The following ABI2 variants were observed in gnomAD, a reference collection of about 807,000 sequenced individuals.
ABI2 encodes the protein abl interactor 2, also known as abelson interactor 2.
A neutral mutation model predicts 59.2 loss-of-function variants in ABI2; 25 were observed. The ratio of observed to expected loss-of-function variants is 0.42; its 90% CI spans 0.31 to 0.59. The LOEUF (loss-of-function observed/expected upper bound fraction) is 0.59, where lower values mean the gene tolerates loss of function less well. Ranked by LOEUF, ABI2 falls within the 20% of genes least tolerant of loss-of-function variation. The probability of loss-of-function intolerance (pLI) is 0.14; values close to 1 mark genes in which losing one functional copy is unlikely to be tolerated. For missense variants in ABI2, 545 were observed against 681.8 expected (o/e 0.80, Z 2.23); for synonymous variants, 213 against 235.5 (o/e 0.90, Z 0.87).
At chr2:203,358,103 GTGTGTGTGTGTT>G (rs1373006348) in intron 1 of ABI2, among the ~76,000 whole-genome samples, 62 of 146,642 alleles carry the variant, frequency 4.2e-4, no homozygotes, top group African/African-American at 8.9e-4. Flanking sequence ...GTGTGTGTGT[GTGTGTGTGTGTT>G]TGTTTGTTTG....
intron 1 of ABI2, among the ~76,000 whole-genome samples, chr2:203,352,330 T>C (rs1489125641): frequency 6.6e-6 from 1 of 152,110 alleles, no homozygotes; most frequent in Non-Finnish European, 1.5e-5. Context: ...TATTTTAGAG[T>C]TTACTCCTAC....
chr2:203,397,566 G>T (rs546996130), intron 8 of ABI2, among the ~76,000 whole-genome samples: 183 of 152,314 alleles, frequency 1.2e-3, no homozygotes, highest in Non-Finnish European at 2.3e-3. Flanking sequence ...AGTTAATGAT[G>T]CTGGCTAGTA....
At chr2:203,331,348 C>CTTTTTT (rs201209202) in intron 1 of ABI2, among the ~76,000 whole-genome samples, 21,315 of 85,226 alleles carry the variant, frequency 0.25, 5,166 homozygotes, top group African/African-American at 0.36. Flanking sequence ...TCAATTTAGC[C>CTTTTTT]TTTTTTTTTT....
rs186166759 is a variant in ABI2 at position 203,347,235 on chromosome 2, T to G, written c.117+18604T>G. On this transcript the variant is annotated intron_variant, in intron 1 of 11. Coordinates refer to ENST00000261018, the MANE Select transcript of ABI2 (RefSeq NM_001375670.1). Reference sequence around the variant, plus strand: ...CAAACCATAGAAGTGAGTTGAGTAATTCATTTTTGCTCTATTTTTCCATCT... The same window carrying G: ...CAAACCATAGAAGTGAGTTGAGTAAGTCATTTTTGCTCTATTTTTCCATCT... 5.0e-3 allele frequency among the ~76,000 whole-genome samples: 766 copies of G among 152,290 alleles called. 10 individuals carry two copies. Among genetic ancestry groups the G allele is most frequent in the African/African-American group, 0.017 (727 of 41,558 alleles).
chr2:203,354,303 CA>C (rs1327912184), intron 1 of ABI2, among the ~76,000 whole-genome samples: 1 of 152,176 alleles, frequency 6.6e-6, no homozygotes. Context: ...CTCAGCCTCC[CA>C]AAGTGCTGGG....
chr2:203,399,531 G>A (rs968138093), intron 8 of ABI2, among the ~76,000 whole-genome samples: 12 of 151,812 alleles, frequency 7.9e-5, no homozygotes, highest in Non-Finnish European at 1.3e-4. Context: ...AGGAGGGGCG[G>A]GCGGACAGAG....
chr2:203,342,425 G>A (rs1208225309), intron 1 of ABI2, among the ~76,000 whole-genome samples: 1 of 152,050 alleles, frequency 6.6e-6, no homozygotes, highest in African/African-American at 2.4e-5. Context: ...AGGTTGTTAG[G>A]AACCTACGAA....
At position 203,328,511 on chromosome 2, in the gene ABI2, G is replaced by GA; in HGVS notation, c.-2dup. On this transcript the variant is annotated 5_prime_UTR_variant, in exon 1 of 12. Coordinates refer to ENST00000261018, the MANE Select transcript of ABI2 (RefSeq NM_001375670.1). ...ATGAGGAGGAGGAGGAGGAGGATGTGAAGATGGCGGAGCTGCAGATGCTGC... is the reference window on the plus strand; with the variant it reads ...ATGAGGAGGAGGAGGAGGAGGATGTGAAAGATGGCGGAGCTGCAGATGCTGC... 1 of 1,602,276 alleles carries GA rather than the reference G, an allele frequency of 6.2e-7. No homozygotes were observed. Among genetic ancestry groups the GA allele is most frequent in the East Asian group, 2.3e-5 (1 of 43,736 alleles).
At chr2:203,407,683 A>C (rs992357472) in intron 9 of ABI2, among the ~76,000 whole-genome samples, 1 of 152,184 alleles carries the variant, frequency 6.6e-6, no homozygotes. Context: ...TTACATAACA[A>C]TCTAAGTTTG....
At chr2:203,386,619 C>A in intron 4 of ABI2, 4 of 154,620 alleles carry the variant, frequency 2.6e-5, no homozygotes, top group Non-Finnish European at 5.4e-5. Flanking sequence ...CTTTTTTTTT[C>A]TATAGAATCT....
chr2:203,350,797 C>T (rs1192560496), intron 1 of ABI2, among the ~76,000 whole-genome samples: 1 of 151,950 alleles, frequency 6.6e-6, no homozygotes, highest in Non-Finnish European at 1.5e-5. Context: ...CTCGGCCTCC[C>T]AAAGTGCTGG....
intron 1 of ABI2, among the ~76,000 whole-genome samples, chr2:203,355,633 C>G (rs559743270): frequency 6.6e-6 from 1 of 151,608 alleles, no homozygotes. Flanking sequence ...AGTTCCAGAC[C>G]AGCCTGATCA....
chr2:203,428,355 C>A lies in ABI2; in HGVS notation c.*1003C>A, dbSNP rs1260807090. 6.6e-6 allele frequency: 1 copy of A among 152,578 alleles called. No homozygotes were observed. Among genetic ancestry groups the A allele is most frequent in the Admixed American group, 6.5e-5 (1 of 15,278 alleles). 9.5% of individuals were successfully genotyped at this position (152,578 alleles called of 1,614,324 possible). A position where few individuals can be genotyped will look rare whatever the true frequency, so the allele number is the denominator to read the frequency against. On this transcript the variant is annotated 3_prime_UTR_variant, in exon 12 of 12. Transcript: ENST00000261018. ...TAGTAGTTATTTTCAAGTCTCCTGA[C>A]AGTCACTGGGAGTACAAGGTTTGCT...
chr2:203,403,949 C>T (rs982486672), intron 9 of ABI2, among the ~76,000 whole-genome samples: 4 of 151,790 alleles, frequency 2.6e-5, no homozygotes, highest in African/African-American at 7.3e-5. Flanking sequence ...GACAGGGTTT[C>T]ACTATGTTGG....
rs370295075 is a variant in ABI2 at position 203,328,598 on chromosome 2, G to C, written c.84G>C (p.Arg28=). ...ALFDSYTNLE[R]VADYCENNYI... Reference sequence around the variant, plus strand: ...TCGACAGCTACACAAATCTGGAACGGGTGGCCGATTACTGCGAGAACAACT... The same window carrying C: ...TCGACAGCTACACAAATCTGGAACGCGTGGCCGATTACTGCGAGAACAACT... Residue 28 remains arginine, a synonymous_variant, in exon 1 of 12, where the codon CGG becomes CGC. Coordinates refer to ENST00000261018, the MANE Select transcript of ABI2 (RefSeq NM_001375670.1). The C allele has an allele frequency of 3.7e-6, 6 of 1,603,758 alleles. No individual in the cohort carries two copies. The highest frequency in any genetic ancestry group is 4.6e-5 in the East Asian group (2 of 43,146).
At chr2:203,365,602 G>A (rs1006351260) in intron 1 of ABI2, among the ~76,000 whole-genome samples, 3 of 146,120 alleles carry the variant, frequency 2.1e-5, no homozygotes, top group Non-Finnish European at 3.0e-5. Flanking sequence ...CTCAGGCTAC[G>A]TGTTTTCTGG....
At chr2:203,408,222 G>A (rs1034048541) in intron 9 of ABI2, among the ~76,000 whole-genome samples, 11 of 149,158 alleles carry the variant, frequency 7.4e-5, no homozygotes, top group African/African-American at 2.5e-4. Flanking sequence ...GAGTGCAATG[G>A]CATGATCTCG....
intron 9 of ABI2, among the ~76,000 whole-genome samples, chr2:203,408,849 T>TTTTTTTTTTTTTATAAG (rs2097541704): frequency 8.2e-6 from 1 of 122,368 alleles, no homozygotes. Context: ...TTTTTTTTTT[T>TTTTTTTTTTTTTATAAG]GAGACGGAGT....
At chr2:203,393,256 T>C (rs1331901718) in intron 5 of ABI2, among the ~76,000 whole-genome samples, 1 of 152,234 alleles carries the variant, frequency 6.6e-6, no homozygotes, top group Non-Finnish European at 1.5e-5. Flanking sequence ...GGTTTTGCCA[T>C]GTTGGCCAGG....
Sources: allele counts gnomAD v4.1 joint callset (sites outside exome capture counted in the v4.1 genomes callset), GRCh38; gene constraint gnomAD v4.1.1; transcripts MANE v1.5; gene names NCBI Gene and HGNC (gene_info 2026-07-23, HGNC 2026-07-21).